Variants in METTL15 observed in about 807,000 individuals in gnomAD.
The protein encoded by METTL15 is 12S rRNA N(4)-cytidine methyltransferase METTL15.
A neutral mutation model predicts 38.3 loss-of-function variants in METTL15; 34 were observed. The observed-to-expected ratio is 0.89, with a 90% CI of 0.68 to 1.18. The LOEUF is 1.18. Among genes scored for constraint, METTL15 ranks in the 50% most tolerant of loss-of-function variants. METTL15 has a pLI of 0.00. For missense variants in METTL15, 438 were observed against 498.4 expected (o/e 0.88, Z 1.15); for synonymous variants, 162 against 170.9 (o/e 0.95, Z 0.41).
At chr11:28,513,465 G>A (rs929074529) in intron 6 of METTL15, among the ~76,000 whole-genome samples, 3 of 152,222 alleles carry the variant, frequency 2.0e-5, no homozygotes, top group Admixed American at 6.5e-5. Context: ...AGTTGGTAGA[G>A]TAGAGTAGCA....
At chr11:28,389,010 C>T (rs2133391400) in intron 5 of METTL15, among the ~76,000 whole-genome samples, 1 of 152,140 alleles carries the variant, frequency 6.6e-6, no homozygotes, top group African/African-American at 2.4e-5. Flanking sequence ...AGGACATGAA[C>T]TCATCCTTTT....
At chr11:28,143,789 A>G (rs574629026) in intron 3 of METTL15, among the ~76,000 whole-genome samples, 15 of 152,294 alleles carry the variant, frequency 9.8e-5, no homozygotes, top group Admixed American at 2.6e-4. Context: ...TTGCCTTGAG[A>G]AAAGATATCT....
intron 3 of METTL15, among the ~76,000 whole-genome samples, chr11:28,197,725 C>T (rs1005873986): frequency 1.3e-5 from 2 of 151,992 alleles, no homozygotes; most frequent in Non-Finnish European, 2.9e-5. Context: ...CATGTTTGCA[C>T]ATGCACACAT....
intron 4 of METTL15, among the ~76,000 whole-genome samples, chr11:28,285,642 C>T (rs556269081): frequency 2.2e-4 from 33 of 152,208 alleles, no homozygotes; most frequent in African/African-American, 5.3e-4. Context: ...AGGTGAGGCT[C>T]AATTCAGTGG....
At chr11:28,429,026 C>T (rs1223361365) in intron 6 of METTL15, among the ~76,000 whole-genome samples, 5 of 152,240 alleles carry the variant, frequency 3.3e-5, no homozygotes. Context: ...TATTATACTG[C>T]CTGCCTGACT....
chr11:28,326,778 T>G (rs763143944), intron 6 of METTL15, among the ~76,000 whole-genome samples: 75 of 151,892 alleles, frequency 4.9e-4, no homozygotes, highest in Non-Finnish European at 9.3e-4. Context: ...TTTTTGTTTT[T>G]GTTTTTTGGT....
At chr11:28,389,263 G>A (rs7937221) in intron 5 of METTL15, among the ~76,000 whole-genome samples, 8,337 of 150,604 alleles carry the variant, frequency 0.055, 404 homozygotes, top group African/African-American at 0.13. Context: ...TAAGTTTTAC[G>A]GTACATGTGC....
intron 5 of METTL15, among the ~76,000 whole-genome samples, chr11:28,367,381 G>C (rs182222561): frequency 5.5e-4 from 84 of 152,238 alleles, no homozygotes; most frequent in African/African-American, 1.8e-3. Flanking sequence ...AAATGTTTGA[G>C]AGGACCCTAG....
intron 6 of METTL15, among the ~76,000 whole-genome samples, chr11:28,451,580 G>A (rs1490165349): frequency 2.6e-5 from 4 of 151,040 alleles, no homozygotes; most frequent in African/African-American, 4.9e-5. Flanking sequence ...GTGAGACTCC[G>A]TCTCAAAAAA....
intron 4 of METTL15, among the ~76,000 whole-genome samples, chr11:28,265,637 T>C (rs1855383577): frequency 6.6e-6 from 1 of 152,056 alleles, no homozygotes; most frequent in African/African-American, 2.4e-5. Flanking sequence ...ATTTTGAAAT[T>C]TCTTGGCTTT....
intron 4 of METTL15, among the ~76,000 whole-genome samples, chr11:28,253,614 C>T (rs1383038357): frequency 6.9e-6 from 1 of 145,930 alleles, no homozygotes; most frequent in Non-Finnish European, 1.5e-5. Flanking sequence ...CCCCCAGCCC[C>T]ATCTCCTACC....
chr11:28,330,934 T>G lies in METTL15; in HGVS notation c.*93T>G, dbSNP rs1353122970. The G allele has an allele frequency of 1.4e-5, 12 of 845,218 alleles. No individual in the cohort carries two copies. The highest frequency in any genetic ancestry group is 2.2e-5 in the Non-Finnish European group (12 of 550,284). The allele number at this position is 845,218 out of a possible 1,614,324, so 52.4% of individuals were successfully genotyped here. Reference sequence around the variant, plus strand: ...CTGAATGTCTTGGTATAGGTTTAAGTGTGGGACAGTCTGAAAATTGATAGC... The same window carrying G: ...CTGAATGTCTTGGTATAGGTTTAAGGGTGGGACAGTCTGAAAATTGATAGC... On this transcript the variant is annotated 3_prime_UTR_variant, in exon 7 of 7. Transcript: ENST00000407364.
At chr11:28,225,846 C>A (rs1853456395) in intron 4 of METTL15, among the ~76,000 whole-genome samples, 1 of 151,798 alleles carries the variant, frequency 6.6e-6, no homozygotes, top group South Asian at 2.1e-4. Context: ...TGTGTATTAT[C>A]TGTCCTGCAT....
At chr11:28,211,664 C>G (rs1361934735) in intron 4 of METTL15, among the ~76,000 whole-genome samples, 2 of 151,770 alleles carry the variant, frequency 1.3e-5, no homozygotes, top group African/African-American at 4.8e-5. Flanking sequence ...GTGATCCATC[C>G]TTCTATCAGA....
At chr11:28,421,545 A>ATCAT (rs1850820455) in intron 5 of METTL15, among the ~76,000 whole-genome samples, 1 of 152,094 alleles carries the variant, frequency 6.6e-6, no homozygotes, top group African/African-American at 2.4e-5. Flanking sequence ...AGATGCAAAA[A>ATCAT]TCATTCAACA....
chr11:28,366,035 G>C (rs1850182515), intron 5 of METTL15, among the ~76,000 whole-genome samples: 1 of 152,154 alleles, frequency 6.6e-6, no homozygotes, highest in Non-Finnish European at 1.5e-5. Flanking sequence ...GGGTGACAAA[G>C]TGAGACTCTG....
chr11:28,497,786 C>A (rs1206846313), intron 6 of METTL15, among the ~76,000 whole-genome samples: 2 of 152,028 alleles, frequency 1.3e-5, no homozygotes, highest in African/African-American at 2.4e-5. Flanking sequence ...AGGCTGGATG[C>A]GGTGACTCAC....
At chr11:28,265,345 A>C (rs554918178) in intron 4 of METTL15, among the ~76,000 whole-genome samples, 1 of 151,930 alleles carries the variant, frequency 6.6e-6, no homozygotes, top group Non-Finnish European at 1.5e-5. Context: ...GATGAAGGCT[A>C]TGCCTTGCTG....
intron 3 of METTL15, among the ~76,000 whole-genome samples, chr11:28,179,084 G>A (rs1590115336): frequency 6.6e-6 from 1 of 151,602 alleles, no homozygotes; most frequent in Non-Finnish European, 1.5e-5. Flanking sequence ...TAAATAGAGA[G>A]AGAAAATGCA....
Sources: allele counts gnomAD v4.1 joint callset (sites outside exome capture counted in the v4.1 genomes callset), GRCh38; gene constraint gnomAD v4.1.1; transcripts MANE v1.5; gene names NCBI Gene and HGNC (gene_info 2026-07-23, HGNC 2026-07-21).